Variants in PIGU observed in about 807,000 individuals in gnomAD.
PIGU encodes GPI-anchor transamidase component PIGU.
PIGU carries 24 observed loss-of-function variants against 49.9 expected under a neutral mutation model. The ratio of observed to expected loss-of-function variants is 0.48; its 90% CI spans 0.35 to 0.68. The LOEUF is 0.68. PIGU is among the 30% of genes least tolerant of loss of function. The pLI, the probability that PIGU is intolerant of heterozygous loss-of-function variation, is 0.01. For missense variants in PIGU, 490 were observed against 532.6 expected, an observed-to-expected ratio of 0.92 and a Z score of 0.79; for synonymous variants, 220 against 205.7, an observed-to-expected ratio of 1.07 and a Z score of -0.59.
At chr20:34,593,173 C>T (rs1984059073) in intron 7 of PIGU, among the ~76,000 whole-genome samples, 1 of 151,978 alleles carries the variant, frequency 6.6e-6, no homozygotes, top group Admixed American at 6.6e-5. Context: ...CCCATCTCTA[C>T]AACAAATACA....
chr20:34,651,936 C>G (rs1054247005), intron 2 of PIGU, among the ~76,000 whole-genome samples: 3 of 151,812 alleles, frequency 2.0e-5, no homozygotes, highest in Non-Finnish European at 4.4e-5. Flanking sequence ...AGACCCCCCC[C>G]ATCTCTACAA....
intron 1 of PIGU, among the ~76,000 whole-genome samples, chr20:34,664,752 G>C (rs1214698828): frequency 2.0e-5 from 3 of 152,150 alleles, no homozygotes; most frequent in Admixed American, 1.3e-4. Context: ...CACTTTGAGA[G>C]GCCAAGGAGG....
intron 5 of PIGU, 67 bp from the exon 6 acceptor site, chr20:34,634,782 G>A: frequency 6.4e-7 from 1 of 1,566,306 alleles, no homozygotes; most frequent in Non-Finnish European, 8.7e-7. Flanking sequence ...TTACAGCAAG[G>A]AAGTTCCAAG....
intron 5 of PIGU, 131 bp downstream of exon 5, chr20:34,637,745 A>G: frequency 6.6e-7 from 1 of 1,509,268 alleles, no homozygotes; most frequent in Non-Finnish European, 8.8e-7. Flanking sequence ...CAGTTGTGCA[A>G]CAGAACTACA....
chr20:34,594,885 G>A (rs1568631237), intron 7 of PIGU, among the ~76,000 whole-genome samples: 1 of 152,028 alleles, frequency 6.6e-6, no homozygotes, highest in East Asian at 1.9e-4. Context: ...GAGGTCAGGA[G>A]ATCAAGACCA....
intron 2 of PIGU, among the ~76,000 whole-genome samples, chr20:34,653,162 G>A (rs527836049): frequency 3.3e-5 from 5 of 152,190 alleles, no homozygotes; most frequent in East Asian, 1.9e-4. Flanking sequence ...TAGCAGAGAC[G>A]GGGTTTCACC....
chr20:34,658,193 C>A (rs1022229686), intron 1 of PIGU, among the ~76,000 whole-genome samples: 1 of 152,268 alleles, frequency 6.6e-6, no homozygotes, highest in Non-Finnish European at 1.5e-5. Context: ...CGGGGTTTCG[C>A]TGTGTTGGCC....
In PIGU at chr20:34,676,999, G is replaced by A. The variant is rs1987526890; in HGVS notation, c.87C>T (p.Ser29=). 6.3e-7 allele frequency: 1 copy of A among 1,583,904 alleles called. No homozygotes were observed. Among genetic ancestry groups the A allele is most frequent in the African/African-American group, 1.3e-5 (1 of 74,760 alleles). ...GTGGGGACACCACCTCCACCCGCTC[G>A]GAAATGAACTCGGCCAGACTGGAGC... ...LFRSSLAEFI[S]ERVEVVSPLS... The change falls in exon 1 of 12, where the codon TCC becomes TCT. Residue 29 remains serine, a synonymous_variant. Transcript: ENST00000217446.
chr20:34,594,427 A>G (rs983053881), intron 7 of PIGU, among the ~76,000 whole-genome samples: 7 of 152,334 alleles, frequency 4.6e-5, no homozygotes, highest in African/African-American at 1.4e-4. Flanking sequence ...GACAATCTCT[A>G]TTCTATCTAT....
intron 1 of PIGU, among the ~76,000 whole-genome samples, chr20:34,671,354 C>G (rs1156535924): frequency 6.6e-6 from 1 of 151,940 alleles, no homozygotes; most frequent in Non-Finnish European, 1.5e-5. Context: ...CTCTGCCCCC[C>G]GGGTTCAAGT....
At chr20:34,620,299 GC>G (rs1985156795) in intron 6 of PIGU, among the ~76,000 whole-genome samples, 1 of 152,136 alleles carries the variant, frequency 6.6e-6, no homozygotes, top group Non-Finnish European at 1.5e-5. Flanking sequence ...AAAACATCAT[GC>G]TGTTTCATTC....
At chr20:34,659,328 C>T (rs1230505125) in intron 1 of PIGU, among the ~76,000 whole-genome samples, 5 of 145,022 alleles carry the variant, frequency 3.4e-5, no homozygotes, top group African/African-American at 1.3e-4. Context: ...GCCCGGCCAG[C>T]CGCCCCGTCC....
chr20:34,637,989 G>GAAA lies in PIGU; in HGVS notation c.319-7_319-5dup, dbSNP rs562683306. ...GGAGGAGTTTCTGCTTTTTAAACTA[G>GAAA]AAAAAAAAAAAAAAGGAAAAGATAA... On this transcript the variant is annotated splice_region_variant and splice_polypyrimidine_tract_variant and intron_variant, in intron 4 of 11. Transcript: ENST00000217446. The GAAA allele has an allele frequency of 2.2e-5, 29 of 1,341,838 alleles. No homozygotes were observed. Among genetic ancestry groups the GAAA allele is most frequent in the Admixed American group, 1.2e-4 (4 of 33,504 alleles). 83.1% of individuals were successfully genotyped at this position (1,341,838 alleles called of 1,614,324 possible).
chr20:34,605,773 C>T (rs1430157341), intron 7 of PIGU, among the ~76,000 whole-genome samples: 4 of 152,130 alleles, frequency 2.6e-5, no homozygotes, highest in South Asian at 2.1e-4. Flanking sequence ...CAATAATTAA[C>T]CATATATGTC....
chr20:34,603,686 A>C (rs1433471551), intron 7 of PIGU, among the ~76,000 whole-genome samples: 1 of 152,160 alleles, frequency 6.6e-6, no homozygotes, highest in Non-Finnish European at 1.5e-5. Flanking sequence ...ATCTGTTATC[A>C]CAACATTCTA....
intron 7 of PIGU, among the ~76,000 whole-genome samples, chr20:34,595,899 T>C (rs1984179555): frequency 6.6e-6 from 1 of 152,036 alleles, no homozygotes; most frequent in South Asian, 2.1e-4. Flanking sequence ...AGGAGTTCAA[T>C]ACCAGCCTGG....
chr20:34,569,652 G>A (rs1982923479), intron 11 of PIGU, among the ~76,000 whole-genome samples: 1 of 152,196 alleles, frequency 6.6e-6, no homozygotes, highest in Admixed American at 6.5e-5. Context: ...GGGGGCTCTG[G>A]CTCTGACCCC....
chr20:34,579,681 C>T (rs1983381069), intron 10 of PIGU, among the ~76,000 whole-genome samples: 2 of 152,188 alleles, frequency 1.3e-5, no homozygotes, highest in South Asian at 4.1e-4. Context: ...GATCTTCAGA[C>T]AACCTGAACC....
At chr20:34,671,911 G>A (rs1360316557) in intron 1 of PIGU, among the ~76,000 whole-genome samples, 3 of 151,278 alleles carry the variant, frequency 2.0e-5, no homozygotes, top group African/African-American at 7.3e-5. Flanking sequence ...CAACAAGAGT[G>A]AAACTCCTTC....
Sources: gnomAD v4.1 joint callset for allele counts (sites outside exome capture counted in the v4.1 genomes callset) on GRCh38, gnomAD v4.1.1 for gene constraint, MANE v1.5 for transcripts, NCBI Gene and HGNC (gene_info 2026-07-23, HGNC 2026-07-21) for gene names.